Variants in JAKMIP2 observed in about 807,000 individuals in gnomAD.
JAKMIP2 encodes janus kinase and microtubule interacting protein 2.
A neutral mutation model predicts 115.0 loss-of-function variants in JAKMIP2; 25 were observed. The observed-to-expected ratio is 0.22, with a 90% CI of 0.16 to 0.30. The LOEUF (loss-of-function observed/expected upper bound fraction) is 0.30, where lower values mean the gene tolerates loss of function less well. JAKMIP2 is among the 10% of genes least tolerant of loss of function. The pLI is 1.00. For synonymous variants in JAKMIP2, 334 were observed against 343.6 expected (o/e 0.97, Z 0.31); for missense variants, 642 against 957.6 (o/e 0.67, Z 4.35).
At chr5:147,623,784 ATC>A in intron 16 of JAKMIP2, 95 bp from the exon 17 acceptor site, 1 of 710,492 alleles carries the variant, frequency 1.4e-6, no homozygotes, top group Non-Finnish European at 2.5e-6. Flanking sequence ...CTCCCCTTAT[ATC>A]TCAGGAAGAA....
Position 147,725,982 on chromosome 5 carries a change from G to A in JAKMIP2, c.-148-54028C>T, listed in dbSNP as rs567007138. ...GAAGATTCCTTCACTATTGACAAGT[G>A]GTGACCTGAACTTTTGATTCAGTGT... On this transcript the variant is annotated intron_variant, in intron 1 of 21. Coordinates refer to ENST00000616793, the MANE Select transcript of JAKMIP2 (RefSeq NM_001270941.2). Among the ~76,000 whole-genome samples, 19 of 152,214 alleles carry A rather than the reference G, an allele frequency of 1.2e-4. No individual in the cohort carries two copies. In the East Asian group the frequency reaches 1.7e-3, roughly 14 times the overall value.
At chr5:147,705,447 A>G (rs963779299) in intron 1 of JAKMIP2, among the ~76,000 whole-genome samples, 2 of 152,106 alleles carry the variant, frequency 1.3e-5, no homozygotes, top group Non-Finnish European at 2.9e-5. Context: ...TACTAAAAAT[A>G]CAAAAATTAG....
chr5:147,653,890 A>C (rs1458122430), intron 3 of JAKMIP2, among the ~76,000 whole-genome samples: 1 of 152,158 alleles, frequency 6.6e-6, no homozygotes. Flanking sequence ...TTTTTGTATA[A>C]GGTGTAAGGA....
At chr5:147,635,489 G>T (rs1322685571) in intron 12 of JAKMIP2, among the ~76,000 whole-genome samples, 1 of 152,004 alleles carries the variant, frequency 6.6e-6, no homozygotes, top group Non-Finnish European at 1.5e-5. Flanking sequence ...GTTTCGGCAT[G>T]GTCTTGGAGT....
At chr5:147,595,932 A>C (rs946462815) in intron 21 of JAKMIP2, among the ~76,000 whole-genome samples, 18 of 152,310 alleles carry the variant, frequency 1.2e-4, no homozygotes, top group Admixed American at 2.6e-4. Context: ...ATGTATGTAA[A>C]ATTTGTTCAG....
At chr5:147,640,845 AT>A in intron 8 of JAKMIP2, 22 bp from the exon 9 acceptor site, 1 of 1,606,904 alleles carries the variant, frequency 6.2e-7, no homozygotes, top group African/African-American at 1.3e-5. Flanking sequence ...GAAAGTACCT[AT>A]TTACTGACAT....
At chr5:147,620,787 G>C in intron 17 of JAKMIP2, 44 bp from the exon 18 acceptor site, 1 of 1,347,410 alleles carries the variant, frequency 7.4e-7, no homozygotes, top group African/African-American at 1.4e-5. Flanking sequence ...TAGTTAACTA[G>C]AAAGTGACGT....
rs1404534574 is a variant in JAKMIP2, at chr5:147,586,588, C to G, written c.*5119G>C. On this transcript the variant is annotated 3_prime_UTR_variant, in exon 22 of 22. Coordinates refer to ENST00000616793, the MANE Select transcript of JAKMIP2 (RefSeq NM_001270941.2). ...AAGGATGAAAATATAAGCATGGGTA[C>G]AAAGACCGTAATGCAGAAAAAAACA... 1 of 151,974 alleles carries G rather than the reference C, an allele frequency of 6.6e-6. No individual in the cohort carries two copies. The highest frequency in any genetic ancestry group is 1.9e-4 in the East Asian group (1 of 5,188). 9.4% of individuals were successfully genotyped at this position (151,974 alleles called of 1,614,324 possible).
intron 1 of JAKMIP2, among the ~76,000 whole-genome samples, chr5:147,739,102 C>T (rs1473033584): frequency 6.6e-6 from 1 of 152,082 alleles, no homozygotes; most frequent in Non-Finnish European, 1.5e-5. Context: ...AGGGGCTCTG[C>T]TCACAGCAGC....
At chr5:147,763,376 G>A (rs755690277) in intron 1 of JAKMIP2, among the ~76,000 whole-genome samples, 8 of 152,094 alleles carry the variant, frequency 5.3e-5, no homozygotes, top group Non-Finnish European at 1.0e-4. Flanking sequence ...TGGTTCATTT[G>A]GGGGCAGCTA....
intron 1 of JAKMIP2, among the ~76,000 whole-genome samples, chr5:147,711,193 A>G (rs1313782065): frequency 1.3e-5 from 2 of 152,238 alleles, no homozygotes; most frequent in East Asian, 1.9e-4. Context: ...TGTGTCTAGT[A>G]TAAGGGGAAA....
rs1755712268 is a variant in JAKMIP2, at chr5:147,601,758, A to T, written c.*3T>A. On this transcript the variant is annotated 3_prime_UTR_variant, in exon 21 of 22. Coordinates refer to ENST00000616793, the MANE Select transcript of JAKMIP2 (RefSeq NM_001270941.2). ...AATCTTACCTTTAAGAGGCACCTTG[A>T]CATCAAGGCCATAGAATAAAGGCAA... 6.6e-7 allele frequency: 1 copy of T among 1,523,896 alleles called. No homozygotes were observed. Among genetic ancestry groups the T allele is most frequent in the Non-Finnish European group, 8.8e-7 (1 of 1,132,958 alleles). 94.4% of individuals were successfully genotyped at this position (1,523,896 alleles called of 1,614,324 possible). A position where few individuals can be genotyped will look rare whatever the true frequency, so the allele number is the denominator to read the frequency against.
chr5:147,666,591 A>C (rs892638534), intron 2 of JAKMIP2, among the ~76,000 whole-genome samples: 1 of 152,230 alleles, frequency 6.6e-6, no homozygotes, highest in Admixed American at 6.5e-5. Context: ...AAGTTGTGAT[A>C]AGAAAAGTGA....
At chr5:147,775,117 T>C (rs1332787792) in intron 1 of JAKMIP2, among the ~76,000 whole-genome samples, 1 of 152,192 alleles carries the variant, frequency 6.6e-6, no homozygotes, top group Non-Finnish European at 1.5e-5. Context: ...AGTTACAGCG[T>C]ATCAGCAGGT....
chr5:147,656,239 C>A lies in JAKMIP2; in HGVS notation c.627+4709G>T, dbSNP rs529858578. Among the ~76,000 whole-genome samples the A allele has an allele frequency of 1.2e-4, 19 of 152,242 alleles. No homozygotes were observed. In the South Asian group the frequency reaches 3.3e-3, roughly 27 times the overall value. On this transcript the variant is annotated intron_variant, in intron 3 of 21. Transcript: ENST00000616793. ...CAGAGCTGAGTTGAAGTCCTGAATA[C>A]CCTTGTTATTTTTCTATCACATTGA...
At chr5:147,667,810 T>C (rs185804252) in intron 2 of JAKMIP2, among the ~76,000 whole-genome samples, 8 of 152,228 alleles carry the variant, frequency 5.3e-5, no homozygotes, top group African/African-American at 1.9e-4. Flanking sequence ...CCAAATTTGG[T>C]ACCTGTATCT....
At chr5:147,733,391 C>A (rs1435675866) in intron 1 of JAKMIP2, among the ~76,000 whole-genome samples, 2 of 152,222 alleles carry the variant, frequency 1.3e-5, no homozygotes, top group Non-Finnish European at 2.9e-5. Context: ...TGTGCTGGCA[C>A]TTTCCACTTT....
At chr5:147,637,436 G>GTTTTTTTTTTTTTTTTTTTT (rs1561506660) in intron 10 of JAKMIP2, among the ~76,000 whole-genome samples, 5 of 74,034 alleles carry the variant, frequency 6.8e-5, no homozygotes, top group Admixed American at 2.5e-4. Context: ...AAATTCTTTT[G>GTTTTTTTTTTTTTTTTTTTT]ATTTTTTTTT....
chr5:147,722,051 T>C (rs1753331936), intron 1 of JAKMIP2, among the ~76,000 whole-genome samples: 1 of 152,152 alleles, frequency 6.6e-6, no homozygotes, highest in Admixed American at 6.5e-5. Flanking sequence ...CTCTGAGTTT[T>C]CATAAATAAT....
Sources: allele counts gnomAD v4.1 joint callset (sites outside exome capture counted in the v4.1 genomes callset), GRCh38; gene constraint gnomAD v4.1.1; transcripts MANE v1.5; gene names NCBI Gene and HGNC (gene_info 2026-07-23, HGNC 2026-07-21).